Variants in NEK10 observed in about 807,000 individuals in gnomAD.
NEK10 encodes NIMA related kinase 10, also known as serine/threonine-protein kinase Nek10.
Under a neutral mutation model 159.8 loss-of-function variants are expected in NEK10, and 122 were observed. The observed-to-expected ratio is 0.76, with a 90% CI of 0.66 to 0.89. The LOEUF is 0.89. NEK10 is among the 40% of genes least tolerant of loss of function. NEK10 has a pLI of 0.00. For missense variants in NEK10, 1,342 were observed against 1,323.1 expected (o/e 1.01, Z -0.22); for synonymous variants, 466 against 457.1 (o/e 1.02, Z -0.25).
chr3:27,244,474 A>G (rs1954861494), intron 23 of NEK10, among the ~76,000 whole-genome samples: 1 of 152,180 alleles, frequency 6.6e-6, no homozygotes, highest in Admixed American at 6.5e-5. Context: ...TCTCCTTTAA[A>G]GTGAGCACAA....
chr3:27,179,122 G>GA (rs1310275454), intron 26 of NEK10, among the ~76,000 whole-genome samples: 1 of 152,108 alleles, frequency 6.6e-6, no homozygotes, highest in African/African-American at 2.4e-5. Context: ...GAATCTTGAA[G>GA]AATTTCCCTT....
At chr3:27,327,799 C>T (rs2046113540) in intron 5 of NEK10, among the ~76,000 whole-genome samples, 1 of 152,122 alleles carries the variant, frequency 6.6e-6, no homozygotes, top group African/African-American at 2.4e-5. Flanking sequence ...CAAACCAAAA[C>T]AACCTGCCAT....
chr3:27,277,154 A>G (rs945813429), intron 22 of NEK10, among the ~76,000 whole-genome samples: 18 of 152,058 alleles, frequency 1.2e-4, no homozygotes, highest in Admixed American at 1.2e-3. Context: ...TAATGTCTGG[A>G]GCTCTGGCAA....
chr3:27,160,774 T>A (rs867824227), intron 30 of NEK10, among the ~76,000 whole-genome samples: 4 of 151,972 alleles, frequency 2.6e-5, no homozygotes, highest in Non-Finnish European at 5.9e-5. Flanking sequence ...GGCATGGTAG[T>A]GGACGCCTGT....
In NEK10 at chr3:27,352,542, C is replaced by T; in HGVS notation, c.72-17G>A. On this transcript the variant is annotated splice_polypyrimidine_tract_variant and intron_variant, in intron 2 of 35. Transcript: ENST00000691995. ...GAATAGTCCCTAGGAGAGAGAATAA[C>T]ACAATGTGAACCCACAGAAGGCTCC... 1.9e-6 allele frequency: 3 copies of T among 1,588,496 alleles called. No homozygotes were observed. The highest frequency in any genetic ancestry group is 1.1e-5 in the South Asian group (1 of 90,464).
chr3:27,322,325 T>C (rs967801648), intron 5 of NEK10, 64 bp from the exon 6 acceptor site: 2 of 971,870 alleles, frequency 2.1e-6, no homozygotes, highest in Admixed American at 2.0e-5. Context: ...TTCATAAAAA[T>C]GCAAGGCTAT....
In NEK10 at chr3:27,312,175, A is replaced by ATACT; in HGVS notation, c.490-2_491dup (p.Tyr164Ter). On this transcript the variant is annotated stop_gained and frameshift_variant and splice_region_variant, in exon 8 of 36. Coordinates refer to ENST00000691995, the MANE Select transcript of NEK10 (RefSeq NM_001394966.1). LOFTEE classifies it high-confidence loss of function. ...GGTACTCATTGGCTACAATCTCCAT[A>ATACT]TACTGCATGAAGGACCAAACCAACA... The ATACT allele has an allele frequency of 6.2e-7, 1 of 1,602,558 alleles. No homozygotes were observed. The highest frequency in any genetic ancestry group is 8.5e-7 in the Non-Finnish European group (1 of 1,173,490).
intron 35 of NEK10, among the ~76,000 whole-genome samples, chr3:27,113,435 CAAAAAAAAAAAA>C (rs3034425): frequency 1.2e-5 from 1 of 81,512 alleles, no homozygotes; most frequent in African/African-American, 4.4e-5. Flanking sequence ...GATTCCATCT[CAAAAAAAAAAAA>C]AAAAAAAAAA....
intron 6 of NEK10, among the ~76,000 whole-genome samples, chr3:27,314,847 C>G (rs1277627711): frequency 2.6e-5 from 4 of 152,180 alleles, no homozygotes; most frequent in Non-Finnish European, 4.4e-5. Context: ...CTGCACCCAC[C>G]CCAGACCTAC....
At chr3:27,113,466 A>G (rs1158999149) in intron 35 of NEK10, among the ~76,000 whole-genome samples, 1 of 151,684 alleles carries the variant, frequency 6.6e-6, no homozygotes, top group East Asian at 1.9e-4. Context: ...AAAGAAGCCA[A>G]AAAGGGAATA....
chr3:27,183,062 C>G (rs1948278201), intron 26 of NEK10, among the ~76,000 whole-genome samples: 1 of 151,886 alleles, frequency 6.6e-6, no homozygotes. Flanking sequence ...TTTAAAATAA[C>G]TAAATGAATG....
rs201878004 is a variant in NEK10 at position 27,110,924 on chromosome 3, G to GT, written c.*347dup. 3.5e-3 allele frequency: 650 copies of GT among 185,028 alleles called. 5 individuals are homozygous for GT. Among genetic ancestry groups the GT allele is most frequent in the African/African-American group, 0.014 (596 of 42,806 alleles). 11.5% of individuals were successfully genotyped at this position (185,028 alleles called of 1,614,324 possible). The stretch of plus-strand genomic sequence containing the variant: ...AATGTGCCTTTGAAAAATATGACAA[G>GT]TTTTTTTTAATGTTAAGGAAAATTC... On this transcript the variant is annotated 3_prime_UTR_variant, in exon 36 of 36. Transcript: ENST00000691995.
chr3:27,271,604 T>C (rs144963939), intron 22 of NEK10, among the ~76,000 whole-genome samples: 5 of 152,164 alleles, frequency 3.3e-5, no homozygotes, highest in African/African-American at 1.2e-4. Context: ...TAGCAGACAC[T>C]TGGACAGATA....
intron 3 of NEK10, among the ~76,000 whole-genome samples, chr3:27,347,836 T>C (rs1237393427): frequency 1.3e-5 from 2 of 152,150 alleles, no homozygotes; most frequent in Non-Finnish European, 2.9e-5. Flanking sequence ...AAATCTACCA[T>C]TAACTAGCTG....
At chr3:27,349,411 C>T (rs2047805391) in intron 3 of NEK10, among the ~76,000 whole-genome samples, 1 of 152,058 alleles carries the variant, frequency 6.6e-6, no homozygotes, top group South Asian at 2.1e-4. Context: ...GCTTCCTATT[C>T]CTCAAAAGCT....
intron 23 of NEK10, chr3:27,206,575 T>C: frequency 1.0e-6 from 1 of 984,386 alleles, no homozygotes; most frequent in East Asian, 1.1e-4. Context: ...TACTTTACTC[T>C]CTCCTTGGAT....
Position 27,302,676 on chromosome 3 carries a change from A to AT in NEK10, c.1029-842dup, listed in dbSNP as rs1298790406. 9.2e-5 allele frequency among the ~76,000 whole-genome samples: 14 copies of AT among 151,812 alleles called. No individual in the cohort carries two copies. The South Asian group carries it at 2.7e-3, about 29-fold the overall frequency. The stretch of plus-strand genomic sequence containing the variant: ...AGTTACCATTTTTTTCCATGTATTT[A>AT]TTTTTTATAGCAGCAACTCTACCTG... On this transcript the variant is annotated intron_variant, in intron 12 of 35. Coordinates refer to ENST00000691995, the MANE Select transcript of NEK10 (RefSeq NM_001394966.1).
In NEK10 at chr3:27,138,213, T is replaced by C. The variant is rs536889449; in HGVS notation, c.2970+3269A>G. Among the ~76,000 whole-genome samples the C allele has an allele frequency of 5.9e-5, 9 of 152,260 alleles. No homozygotes were observed. In the South Asian group the frequency reaches 1.7e-3, roughly 28 times the overall value. On this transcript the variant is annotated intron_variant, in intron 31 of 35. Coordinates refer to ENST00000691995, the MANE Select transcript of NEK10 (RefSeq NM_001394966.1). ...GCAGGTCGCTCCCCAGAGAATTCCA[T>C]GGAGCAACACCTAACTCAGGGTGGC...
In NEK10 at chr3:27,290,760, A is replaced by G. The variant is rs763660408; in HGVS notation, c.1606-6T>C. ...TGACCACTATGCTTTCTAACCTAAA[A>G]TAAAGAAAAACACAACAACAACAAA... On this transcript the variant is annotated splice_polypyrimidine_tract_variant and splice_region_variant and intron_variant, in intron 18 of 35. Coordinates refer to ENST00000691995, the MANE Select transcript of NEK10 (RefSeq NM_001394966.1). 3 of 1,588,204 alleles carry G rather than the reference A, an allele frequency of 1.9e-6. No homozygotes were observed. The highest frequency in any genetic ancestry group is 2.7e-5 in the African/African-American group (2 of 73,016).
Sources: gnomAD v4.1 joint callset for allele counts (sites outside exome capture counted in the v4.1 genomes callset) on GRCh38, gnomAD v4.1.1 for gene constraint, MANE v1.5 for transcripts, NCBI Gene and HGNC (gene_info 2026-07-23, HGNC 2026-07-21) for gene names.